CCDC42: variants seen among roughly 807,000 people sequenced by gnomAD.
CCDC42 encodes the protein coiled-coil domain containing 42.
CCDC42 carries 38 observed loss-of-function variants against 40.8 expected under a neutral mutation model. The observed-to-expected ratio is 0.93, with a 90% CI of 0.72 to 1.22. CCDC42 has a LOEUF of 1.22. CCDC42 is among the 50% of genes most tolerant of loss of function. The pLI is 0.00. For synonymous variants in CCDC42, 135 were observed against 157.5 expected (o/e 0.86, Z 1.07); for missense variants, 379 against 416.5 (o/e 0.91, Z 0.78).
chr17:8,735,555 G>T lies in CCDC42; in HGVS notation c.549C>A (p.His183Gln). The T allele has an allele frequency of 6.2e-7, 1 of 1,614,114 alleles. No individual in the cohort carries two copies. Among genetic ancestry groups the T allele is most frequent in the Non-Finnish European group, 8.5e-7 (1 of 1,180,044 alleles). ...CTTCCTGCGCAGACTGCATGAGGTCGTGGCGCATGCTCACCAGCGTCTTGT... is the reference window on the plus strand; with the variant it reads ...CTTCCTGCGCAGACTGCATGAGGTCTTGGCGCATGCTCACCAGCGTCTTGT... ...ARYKTLVSMR[H>Q]DLMQSAQEGQ... is the part of the protein sequence containing the mutation. Residue 183 changes from histidine to glutamine, a missense_variant, in exon 5 of 7, where the codon CAC becomes CAA. By Grantham distance (24) the His-to-Gln change is conservative. Transcript: ENST00000293845. The surrounding 1 kb of genome is among the most constrained non-coding windows in gnomAD (Gnocchi z 4.7).
At chr17:8,736,551 G>A (rs908248089) in intron 4 of CCDC42, among the ~76,000 whole-genome samples, 4 of 152,184 alleles carry the variant, frequency 2.6e-5, no homozygotes, top group South Asian at 2.1e-4. Flanking sequence ...CCTTTCAGCC[G>A]CCCAGGGGAA....
rs1380652494 is a variant in CCDC42, at chr17:8,743,982, C to A, written c.189+97G>T. On this transcript the variant is annotated intron_variant, in intron 2 of 6. Coordinates refer to ENST00000293845, the MANE Select transcript of CCDC42 (RefSeq NM_144681.3). ...TAGAGGACTCCTGGCTCTAGCCACC[C>A]CACTCAGACAATGGAGGGCTGTCCA... 3 of 951,374 alleles carry A rather than the reference C, an allele frequency of 3.2e-6. No individual in the cohort carries two copies. In the African/African-American group the frequency reaches 4.9e-5, roughly 16 times the overall value. The allele number at this position is 951,374 out of a possible 1,614,324, so 58.9% of individuals were successfully genotyped here.
At chr17:8,743,600 C>T in intron 3 of CCDC42, 26 bp downstream of exon 3, 1 of 1,390,168 alleles carries the variant, frequency 7.2e-7, no homozygotes, top group Non-Finnish European at 1.0e-6. Flanking sequence ...CCCCTGGCCA[C>T]TGCGGCCGCC....
chr17:8,732,635 T>C (rs918551213), intron 6 of CCDC42, among the ~76,000 whole-genome samples: 1 of 152,236 alleles, frequency 6.6e-6, no homozygotes, highest in East Asian at 1.9e-4. Flanking sequence ...AAGTCAGTTT[T>C]AGAAACGCTG....
intron 3 of CCDC42, among the ~76,000 whole-genome samples, chr17:8,742,958 C>T (rs1456845913): frequency 6.6e-6 from 1 of 152,200 alleles, no homozygotes; most frequent in Non-Finnish European, 1.5e-5. Context: ...TGTGCCCAGT[C>T]CAAGGACTTC....
chr17:8,738,017 G>A (rs2086621900), intron 4 of CCDC42, among the ~76,000 whole-genome samples: 1 of 151,416 alleles, frequency 6.6e-6, no homozygotes, highest in Admixed American at 6.6e-5. Flanking sequence ...ATTTGGGGGG[G>A]GTCTCACTTT....
At chr17:8,738,220 G>A (rs1302780805) in intron 4 of CCDC42, among the ~76,000 whole-genome samples, 1 of 152,172 alleles carries the variant, frequency 6.6e-6, no homozygotes, top group Non-Finnish European at 1.5e-5. Context: ...TTTAAAAAGA[G>A]CTCTCATCTC....
At chr17:8,741,841 G>C (rs1049030668) in intron 3 of CCDC42, among the ~76,000 whole-genome samples, 170 bp from the exon 4 acceptor site, 1 of 152,188 alleles carries the variant, frequency 6.6e-6, no homozygotes, top group African/African-American at 2.4e-5. Flanking sequence ...TGAAGGAAAA[G>C]GCTCTCCAGG....
Position 8,741,405 on chromosome 17 carries a change from C to G in CCDC42, c.492+69G>C, listed in dbSNP as rs1417603253. ...GAGCCTGAATTCCATCCCATGGCCC[C>G]AGGCCCCGGGGAAGAGAGGTGGGGC... is the stretch of plus-strand genomic sequence containing the variant. On this transcript the variant is annotated intron_variant, in intron 4 of 6. Transcript: ENST00000293845. 31 of 1,483,880 alleles carry G rather than the reference C, an allele frequency of 2.1e-5. 1 individual carries two copies. The East Asian group carries it at 5.0e-4, about 24-fold the overall frequency. The allele number at this position is 1,483,880 out of a possible 1,614,324, so 91.9% of individuals were successfully genotyped here.
chr17:8,738,909 A>T (rs558632953), intron 4 of CCDC42, among the ~76,000 whole-genome samples: 1 of 152,246 alleles, frequency 6.6e-6, no homozygotes, highest in East Asian at 1.9e-4. Context: ...GTGAAGAAAC[A>T]TAAGATTTGG....
In CCDC42 at chr17:8,729,973, A is replaced by C. The variant is rs2086569238; in HGVS notation, c.*157T>G. 4 of 649,494 alleles carry C rather than the reference A, an allele frequency of 6.2e-6. No individual in the cohort carries two copies. Among genetic ancestry groups the C allele is most frequent in the Admixed American group, 2.5e-5 (1 of 40,464 alleles). 40.2% of individuals were successfully genotyped at this position (649,494 alleles called of 1,614,324 possible). On this transcript the variant is annotated 3_prime_UTR_variant, in exon 7 of 7. Transcript: ENST00000293845. ...ACTTCATATAACATTCACTGTTTTCAGGGATAGAGTGAGGCCCACGGGGGA... is the reference window on the plus strand; with the variant it reads ...ACTTCATATAACATTCACTGTTTTCCGGGATAGAGTGAGGCCCACGGGGGA...
At chr17:8,741,350 G>T in intron 4 of CCDC42, 124 bp downstream of exon 4, 2 of 962,318 alleles carry the variant, frequency 2.1e-6, no homozygotes, top group Non-Finnish European at 3.2e-6. Flanking sequence ...AGCTCCTGGG[G>T]CCCAGAGGGT....
intron 2 of CCDC42, 57 bp downstream of exon 2, chr17:8,744,022 G>GC: frequency 1.6e-6 from 2 of 1,249,934 alleles, no homozygotes; most frequent in Admixed American, 1.9e-5. Context: ...CTCTCCCAGA[G>GC]CCCCAGCCCA....
At position 8,735,439 on chromosome 17, in the gene CCDC42, G is replaced by A. The variant is rs1568051116; in HGVS notation, c.665C>T (p.Ala222Val). 2 of 1,614,036 alleles carry A rather than the reference G, an allele frequency of 1.2e-6. No homozygotes were observed. ...DEILQQNNEL[A>V]RLQMRFDRAR... ...ACGGTCAAAGCGCATCTGCAGCCTT[G>A]CCAGCTCATTGTTTTGCTGCAGGAT... The change falls in exon 5 of 7, where the codon GCA becomes GTA. Residue 222 changes from alanine (A) to valine (V), a missense_variant. Coordinates refer to ENST00000293845, the MANE Select transcript of CCDC42 (RefSeq NM_144681.3). This position sits in a 1 kb window ranked among gnomAD's most constrained non-coding sequence, Gnocchi z 4.7.
At chr17:8,737,399 G>A (rs1336153129) in intron 4 of CCDC42, among the ~76,000 whole-genome samples, 3 of 152,214 alleles carry the variant, frequency 2.0e-5, no homozygotes, top group Non-Finnish European at 2.9e-5. Flanking sequence ...TATCAAATAT[G>A]TTAAAAATCC....
intron 3 of CCDC42, among the ~76,000 whole-genome samples, chr17:8,743,408 T>C (rs548120313): frequency 1.3e-5 from 2 of 152,308 alleles, no homozygotes; most frequent in South Asian, 4.1e-4. Context: ...AACAGCCATC[T>C]AGAGGGAGCA....
chr17:8,738,041 G>T (rs2086622038), intron 4 of CCDC42, among the ~76,000 whole-genome samples: 1 of 152,002 alleles, frequency 6.6e-6, no homozygotes, highest in South Asian at 2.1e-4. Context: ...GCCCAGGCTG[G>T]TCTTGAACTC....
chr17:8,737,096 AAAGC>A lies in CCDC42; in HGVS notation c.493-1489_493-1486del, dbSNP rs567929373. On this transcript the variant is annotated intron_variant, in intron 4 of 6. Transcript: ENST00000293845. ...GGAAAGAAAGAAAAAGAAAAAAAGA[AAAGC>A]AAGCAAGCAAGCGAGCTCAGTAAAC... Among the ~76,000 whole-genome samples the A allele has an allele frequency of 3.6e-4, 55 of 152,298 alleles. No homozygotes were observed. The South Asian group carries it at 9.9e-3, about 28-fold the overall frequency.
intron 6 of CCDC42, among the ~76,000 whole-genome samples, 175 bp from the exon 7 acceptor site, chr17:8,730,382 C>G (rs1467877303): frequency 6.6e-6 from 1 of 152,148 alleles, no homozygotes; most frequent in African/African-American, 2.4e-5. Flanking sequence ...CTCTGTCACC[C>G]AGGGTGGAGT....
Sources: allele counts gnomAD v4.1 joint callset (sites outside exome capture counted in the v4.1 genomes callset), GRCh38; gene constraint gnomAD v4.1.1; non-coding constraint Gnocchi (gnomAD v3.1); transcripts MANE v1.5; gene names NCBI Gene and HGNC (gene_info 2026-07-23, HGNC 2026-07-21).